KMT2C: variants seen among roughly 807,000 people sequenced by gnomAD.
KMT2C encodes histone-lysine N-methyltransferase 2C.
KMT2C carries 88 observed loss-of-function variants against 507.9 expected under a neutral mutation model. The ratio of observed to expected loss-of-function variants is 0.17; its 90% CI spans 0.15 to 0.21. The LOEUF is 0.21. Ranked by LOEUF, KMT2C falls within the 10% of genes least tolerant of loss-of-function variation. The pLI, the probability that KMT2C is intolerant of heterozygous loss-of-function variation, is 1.00. For synonymous variants in KMT2C, 2,049 were observed against 2,080.8 expected, an observed-to-expected ratio of 0.98 and a Z score of 0.42; for missense variants, 4,954 against 5,957.8, an observed-to-expected ratio of 0.83 and a Z score of 5.55.
At chr7:152,369,070 C>T (rs1484074375) in intron 1 of KMT2C, among the ~76,000 whole-genome samples, 1 of 151,826 alleles carries the variant, frequency 6.6e-6, no homozygotes, top group African/African-American at 2.4e-5. Context: ...CACCTGTAAT[C>T]CCAGCACTTT....
intron 1 of KMT2C, among the ~76,000 whole-genome samples, chr7:152,429,578 T>C (rs1237296845): frequency 6.6e-6 from 1 of 151,716 alleles, no homozygotes; most frequent in Non-Finnish European, 1.5e-5. Context: ...TGGTGTGCAA[T>C]AGCATGATCT....
At chr7:152,255,146 C>CACATATAT (rs2095637774) in intron 9 of KMT2C, among the ~76,000 whole-genome samples, 1 of 63,984 alleles carries the variant, frequency 1.6e-5, no homozygotes, top group African/African-American at 6.7e-5. Flanking sequence ...TATATATATA[C>CACATATAT]ATATATATAT....
At position 152,154,278 on chromosome 7, in the gene KMT2C, G is replaced by A. The variant is rs367748947; in HGVS notation, c.12128C>T (p.Thr4043Ile). 4 of 1,613,970 alleles carry A rather than the reference G, an allele frequency of 2.5e-6. No homozygotes were observed. The highest frequency in any genetic ancestry group is 2.7e-5 in the African/African-American group (2 of 74,930). Residue 4043 changes from threonine (T) to isoleucine (I), a missense_variant, in exon 47 of 59, where the codon ACT becomes ATT. Coordinates refer to ENST00000262189, the MANE Select transcript of KMT2C (RefSeq NM_170606.3). Reference protein sequence around the residue: ...PSPIIPILPSTAGKSSESRRN... With the variant: ...PSPIIPILPSIAGKSSESRRN... ...AGTGTTGTTCTTACTTTTCCCAGCA[G>A]TGCTAGGAAGAATTGGAATGATGGG... is the stretch of plus-strand genomic sequence containing the variant.
At chr7:152,249,692 A>C (rs1240484737) in intron 13 of KMT2C, among the ~76,000 whole-genome samples, 184 bp downstream of exon 13, 10 of 149,914 alleles carry the variant, frequency 6.7e-5, no homozygotes, top group East Asian at 5.8e-4. Context: ...AAAAAAAAAA[A>C]AAAAAAACCT....
In KMT2C at chr7:152,247,973, G is replaced by C. The variant is rs748010370; in HGVS notation, c.2461C>G (p.Pro821Ala). The C allele has an allele frequency of 6.2e-7, 1 of 1,614,260 alleles. No homozygotes were observed. Among genetic ancestry groups the C allele is most frequent in the South Asian group, 1.1e-5 (1 of 91,088 alleles). ...GCTGGTTTACCCATGCCAATTTTTG[G>C]AGTGACTGAGATGTAAGTTGTTGGC... The part of the protein sequence containing the change: ...IMPTTYISVT[P>A]KIGMGKPAIT... The change falls in exon 14 of 59, where the codon CCA becomes GCA. Residue 821 changes from proline (P) to alanine (A), a missense_variant. By Grantham distance (27) the Pro-to-Ala change is conservative. This residue lies in a region of KMT2C where 7 missense variants were observed against 72.6 expected (regional missense o/e 0.10). Coordinates refer to ENST00000262189, the MANE Select transcript of KMT2C (RefSeq NM_170606.3).
chr7:152,179,071 A>G lies in KMT2C; in HGVS notation c.7442+763T>C, dbSNP rs576545074. Among the ~76,000 whole-genome samples the G allele has an allele frequency of 3.1e-4, 47 of 152,152 alleles. No individual in the cohort carries two copies. The East Asian group carries it at 7.7e-3, about 25-fold the overall frequency. On this transcript the variant is annotated intron_variant, in intron 37 of 58. Coordinates refer to ENST00000262189, the MANE Select transcript of KMT2C (RefSeq NM_170606.3). The stretch of plus-strand genomic sequence containing the variant: ...AGTGGCGTGACCTCGGCTCACTGCA[A>G]CCTCCACCTCCTGGGTTCAAGTGAT...
intron 6 of KMT2C, among the ~76,000 whole-genome samples, chr7:152,281,738 A>G (rs919685839): frequency 2.0e-5 from 3 of 150,690 alleles, no homozygotes; most frequent in East Asian, 3.9e-4. Context: ...TCTCAAAAAC[A>G]AAAACAAAAA....
chr7:152,262,804 A>C (rs2095801799), intron 9 of KMT2C, among the ~76,000 whole-genome samples: 1 of 152,216 alleles, frequency 6.6e-6, no homozygotes, highest in Non-Finnish European at 1.5e-5. Context: ...GCCACAAAGC[A>C]AGCCAAGAGG....
chr7:152,207,170 T>A lies in KMT2C; in HGVS notation c.3841+130A>T, dbSNP rs2094331346. ...TCAAATAGTTTAGTTCTTTAATTTA[T>A]GTGCACATATTTTTGTTTAGACAGT... On this transcript the variant is annotated intron_variant, in intron 24 of 58. Coordinates refer to ENST00000262189, the MANE Select transcript of KMT2C (RefSeq NM_170606.3). 7 of 888,330 alleles carry A rather than the reference T, an allele frequency of 7.9e-6. No homozygotes were observed. In the South Asian group the frequency reaches 1.5e-4, roughly 18 times the overall value. The allele number at this position is 888,330 out of a possible 1,614,324, so 55.0% of individuals were successfully genotyped here. A position where few individuals can be genotyped will look rare whatever the true frequency, so the allele number is the denominator to read the frequency against.
At chr7:152,365,495 G>A (rs1416933985) in intron 1 of KMT2C, among the ~76,000 whole-genome samples, 1 of 152,112 alleles carries the variant, frequency 6.6e-6, no homozygotes, top group Non-Finnish European at 1.5e-5. Flanking sequence ...GGCAGAGTGA[G>A]ACCCTGTCTC....
intron 3 of KMT2C, among the ~76,000 whole-genome samples, chr7:152,327,957 CAA>C (rs371396057): frequency 8.9e-5 from 7 of 78,686 alleles, no homozygotes; most frequent in African/African-American, 2.5e-4. Context: ...GACTCCGCCT[CAA>C]AAAAAAAAAA....
chr7:152,295,674 C>G (rs942465632), intron 6 of KMT2C, among the ~76,000 whole-genome samples: 2 of 152,168 alleles, frequency 1.3e-5, no homozygotes, highest in African/African-American at 2.4e-5. Flanking sequence ...GCACCCTGCT[C>G]TAAGCAGAAA....
intron 1 of KMT2C, among the ~76,000 whole-genome samples, chr7:152,434,706 G>A (rs1370045842): frequency 6.6e-6 from 1 of 152,168 alleles, no homozygotes; most frequent in Non-Finnish European, 1.5e-5. Context: ...CTAAAACGGT[G>A]TCTTAATTTA....
intron 26 of KMT2C, among the ~76,000 whole-genome samples, chr7:152,200,890 T>G (rs1267100199): frequency 1.3e-5 from 2 of 152,178 alleles, no homozygotes; most frequent in Non-Finnish European, 2.9e-5. Context: ...ATATCTGATT[T>G]GAAATGTTCA....
At chr7:152,349,974 AGGTGCAGT>A (rs1428131759) in intron 2 of KMT2C, among the ~76,000 whole-genome samples, 1 of 152,166 alleles carries the variant, frequency 6.6e-6, no homozygotes, top group East Asian at 1.9e-4. Context: ...ATTTTTGGCC[AGGTGCAGT>A]GGTTCATGCC....
At chr7:152,226,217 G>C (rs1053158083) in intron 18 of KMT2C, among the ~76,000 whole-genome samples, 7 of 131,720 alleles carry the variant, frequency 5.3e-5, no homozygotes, top group Non-Finnish European at 7.8e-5. Flanking sequence ...TCATTACAAG[G>C]CCTTTTTTTT....
intron 6 of KMT2C, among the ~76,000 whole-genome samples, chr7:152,296,383 G>A (rs917446742): frequency 6.7e-6 from 1 of 149,802 alleles, no homozygotes; most frequent in Non-Finnish European, 1.5e-5. Context: ...GCAGTGAGCC[G>A]AGATCGCGCC....
chr7:152,158,354 A>C (rs2092220550), intron 44 of KMT2C, among the ~76,000 whole-genome samples: 1 of 152,188 alleles, frequency 6.6e-6, no homozygotes, highest in Non-Finnish European at 1.5e-5. Flanking sequence ...CTCCTTATGA[A>C]CATAAGAAAA....
chr7:152,207,163 T>C (rs577076302), intron 24 of KMT2C, 137 bp downstream of exon 24: 2 of 843,994 alleles, frequency 2.4e-6, no homozygotes, highest in African/African-American at 3.6e-5. Context: ...TTTAGTTCTT[T>C]AATTTATGTG....
Sources: gnomAD v4.1 joint callset for allele counts (sites outside exome capture counted in the v4.1 genomes callset) on GRCh38, gnomAD v4.1.1 for gene constraint, gnomAD v4.1.1 regional missense constraint, MANE v1.5 for transcripts, NCBI Gene and HGNC (gene_info 2026-07-23, HGNC 2026-07-21) for gene names.